The following GALNTL6 variants were observed in gnomAD, a reference collection of about 807,000 sequenced individuals.
GALNTL6 encodes polypeptide N-acetylgalactosaminyltransferase-like 6.
GALNTL6 carries 46 observed loss-of-function variants against 73.7 expected under a neutral mutation model. The ratio of observed to expected loss-of-function variants is 0.62; its 90% CI spans 0.49 to 0.80. The LOEUF is 0.80. GALNTL6 is among the 30% of genes least tolerant of loss of function. GALNTL6 has a pLI of 0.00. For synonymous variants in GALNTL6, 259 were observed against 263.7 expected, an observed-to-expected ratio of 0.98 and a Z score of 0.17; for missense variants, 604 against 755.0, an observed-to-expected ratio of 0.80 and a Z score of 2.34.
At chr4:172,236,057 C>G (rs982314359) in intron 3 of GALNTL6, among the ~76,000 whole-genome samples, 1 of 152,102 alleles carries the variant, frequency 6.6e-6, no homozygotes, top group Non-Finnish European at 1.5e-5. Flanking sequence ...TAATTTCAGT[C>G]ATTTTTCTAT....
At chr4:172,592,369 G>T (rs1004588224) in intron 5 of GALNTL6, among the ~76,000 whole-genome samples, 1 of 152,062 alleles carries the variant, frequency 6.6e-6, no homozygotes, top group Admixed American at 6.6e-5. Flanking sequence ...TGAGGAGTTT[G>T]CCACCATGAC....
intron 5 of GALNTL6, among the ~76,000 whole-genome samples, chr4:172,371,449 A>G (rs1159424595): frequency 2.0e-5 from 3 of 152,226 alleles, no homozygotes; most frequent in East Asian, 1.9e-4. Flanking sequence ...AAGACCGTCA[A>G]TTATCAATTA....
chr4:171,893,370 C>G (rs1001095069), intron 2 of GALNTL6, among the ~76,000 whole-genome samples: 1 of 152,142 alleles, frequency 6.6e-6, no homozygotes, highest in African/African-American at 2.4e-5. Flanking sequence ...AGTGAATAAA[C>G]TGAGGCATAG....
intron 2 of GALNTL6, among the ~76,000 whole-genome samples, chr4:171,858,992 A>G (rs185039887): frequency 1.1e-3 from 172 of 152,328 alleles, no homozygotes; most frequent in Non-Finnish European, 2.0e-3. Context: ...AATGTGCAAT[A>G]TACCGGCTTC....
chr4:172,236,533 T>G (rs2638001), intron 3 of GALNTL6, among the ~76,000 whole-genome samples: 5 of 149,306 alleles, frequency 3.3e-5, no homozygotes, highest in African/African-American at 1.2e-4. Context: ...CACTCCAGCC[T>G]GGGCGACAGA....
chr4:172,870,051 T>G (rs892183790), intron 7 of GALNTL6, among the ~76,000 whole-genome samples: 2 of 136,008 alleles, frequency 1.5e-5, no homozygotes, highest in African/African-American at 5.6e-5. Context: ...TGACCTTTAC[T>G]GTCATCATCA....
At chr4:172,177,759 G>A (rs1439013715) in intron 2 of GALNTL6, among the ~76,000 whole-genome samples, 2 of 75,954 alleles carry the variant, frequency 2.6e-5, no homozygotes, top group Admixed American at 1.4e-4. Context: ...ATATATGTGT[G>A]TATATATATG....
chr4:172,002,285 C>T (rs1740698384), intron 2 of GALNTL6, among the ~76,000 whole-genome samples: 1 of 152,102 alleles, frequency 6.6e-6, no homozygotes, highest in Admixed American at 6.6e-5. Flanking sequence ...AATTAGATCA[C>T]AAGGGTGGAG....
chr4:172,214,787 A>G (rs182208971), intron 2 of GALNTL6, among the ~76,000 whole-genome samples: 197 of 152,170 alleles, frequency 1.3e-3, no homozygotes, highest in Admixed American at 2.6e-3. Flanking sequence ...TGCTGGAATA[A>G]CAGATGTGAG....
intron 5 of GALNTL6, among the ~76,000 whole-genome samples, chr4:172,536,213 A>C (rs1320581976): frequency 6.6e-6 from 1 of 152,204 alleles, no homozygotes; most frequent in African/African-American, 2.4e-5. Flanking sequence ...TAAATTACCC[A>C]GTCTCTGGTA....
intron 12 of GALNTL6, among the ~76,000 whole-genome samples, chr4:173,038,112 T>A (rs374365583): frequency 7.9e-5 from 12 of 152,192 alleles, no homozygotes; most frequent in African/African-American, 2.7e-4. Context: ...AAGAAGTGCA[T>A]GTGTATAGAA....
intron 2 of GALNTL6, among the ~76,000 whole-genome samples, chr4:172,193,371 G>A (rs763583771): frequency 9.9e-5 from 15 of 152,190 alleles, no homozygotes; most frequent in Non-Finnish European, 1.8e-4. Flanking sequence ...GCCTCCAGGT[G>A]CAGGAGGAAC....
At chr4:172,901,273 G>T (rs1182048838) in intron 8 of GALNTL6, among the ~76,000 whole-genome samples, 1 of 152,148 alleles carries the variant, frequency 6.6e-6, no homozygotes, top group Admixed American at 6.6e-5. Flanking sequence ...AAGTTAAACA[G>T]GCTTTGGTAG....
chr4:172,010,727 A>G (rs1165496257), intron 2 of GALNTL6, among the ~76,000 whole-genome samples: 1 of 152,086 alleles, frequency 6.6e-6, no homozygotes, highest in Non-Finnish European at 1.5e-5. Flanking sequence ...AAGGAAAGGA[A>G]AACACTATCA....
intron 5 of GALNTL6, among the ~76,000 whole-genome samples, chr4:172,591,341 C>T (rs1047679620): frequency 1.3e-5 from 2 of 152,102 alleles, no homozygotes; most frequent in Non-Finnish European, 2.9e-5. Flanking sequence ...TTCATACAAT[C>T]CGCCTTCATT....
At chr4:172,307,252 T>G (rs1740171504) in intron 3 of GALNTL6, among the ~76,000 whole-genome samples, 1 of 152,182 alleles carries the variant, frequency 6.6e-6, no homozygotes, top group African/African-American at 2.4e-5. Flanking sequence ...ATTCTGTATG[T>G]TAGTCCTTTG....
At chr4:171,909,255 GTGA>G (rs1490902420) in intron 2 of GALNTL6, among the ~76,000 whole-genome samples, 6 of 151,486 alleles carry the variant, frequency 4.0e-5, no homozygotes, top group African/African-American at 1.2e-4. Flanking sequence ...TGCAACCACA[GTGA>G]TGATGATCAT....
chr4:172,774,045 T>C (rs938766914), intron 5 of GALNTL6, among the ~76,000 whole-genome samples: 6 of 152,208 alleles, frequency 3.9e-5, no homozygotes, highest in Non-Finnish European at 8.8e-5. Flanking sequence ...TGATTTATTG[T>C]GAAAGTTCAA....
intron 2 of GALNTL6, among the ~76,000 whole-genome samples, chr4:172,221,172 A>G (rs1736663344): frequency 6.6e-6 from 1 of 151,798 alleles, no homozygotes; most frequent in South Asian, 2.1e-4. Context: ...GTGAAAAAAG[A>G]TCATAGCTTT....
Sources: allele counts gnomAD v4.1 joint callset (sites outside exome capture counted in the v4.1 genomes callset), GRCh38; gene constraint gnomAD v4.1.1; transcripts MANE v1.5; gene names NCBI Gene and HGNC (gene_info 2026-07-23, HGNC 2026-07-21).